Variants in CXorf65 observed in about 807,000 individuals in gnomAD.
CXorf65 encodes the protein chromosome X open reading frame 65, also known as uncharacterized protein CXorf65.
For missense variants in CXorf65, 137 were observed against 144.7 expected, an observed-to-expected ratio of 0.95 and a Z score of 0.27; for synonymous variants, 54 against 51.4, an observed-to-expected ratio of 1.05 and a Z score of -0.21.
chrX:71,104,506 G>C, intron 4 of CXorf65, 102 bp from the exon 5 acceptor site: 1 of 589,850 alleles, frequency 1.7e-6, no homozygotes, highest in East Asian at 3.6e-5. Context: ...GCCCCACTTG[G>C]CCTAAGATGG....
Position 71,106,010 on chromosome X carries a change from A to G in CXorf65, c.240T>C (p.Arg80=), listed in dbSNP as rs2092247513. 1.7e-6 allele frequency: 2 copies of G among 1,210,780 alleles called. No individual in the cohort carries two copies. Among genetic ancestry groups the G allele is most frequent in the Non-Finnish European group, 2.2e-6 (2 of 894,824 alleles). ...CTCCTGAGCCTCTACCTGGTGGCCCACGTTCCACCTTACAAACGTAGTAGG... is the reference window on the plus strand; with the variant it reads ...CTCCTGAGCCTCTACCTGGTGGCCCGCGTTCCACCTTACAAACGTAGTAGG... ...RSTYYVCKVE[R]GPPGTRLENA... is the part of the protein sequence containing the mutation. The change falls in exon 3 of 6, where the codon CGT becomes CGC. Residue 80 remains arginine (R), a synonymous_variant. Transcript: ENST00000374251.
intron 4 of CXorf65, 73 bp from the exon 5 acceptor site, chrX:71,104,477 G>T: frequency 1.4e-6 from 1 of 713,610 alleles, no homozygotes; most frequent in Non-Finnish European, 2.1e-6. Flanking sequence ...CCCATTCATT[G>T]TTCAAACCAT....
rs1482311731 is a variant in CXorf65, at chrX:71,106,594, A to T, written c.-38T>A. On this transcript the variant is annotated 5_prime_UTR_variant, in exon 1 of 6. Coordinates refer to ENST00000374251, the MANE Select transcript of CXorf65 (RefSeq NM_001025265.3). ...GCCTCACTCTTCACAAAGTGCCCTG[A>T]TGAGTCATGCAGAAGGAGGGTGTTC... 1 of 1,210,331 alleles carries T rather than the reference A, an allele frequency of 8.3e-7. No individual in the cohort carries two copies. Among genetic ancestry groups the T allele is most frequent in the Non-Finnish European group, 1.1e-6 (1 of 895,270 alleles).
At chrX:71,105,883 T>G in intron 3 of CXorf65, 117 bp downstream of exon 3, 1 of 808,961 alleles carries the variant, frequency 1.2e-6, no homozygotes, top group African/African-American at 2.0e-5. Context: ...CTCAAAGTGC[T>G]GAGATTACAA....
rs1380128460 is a variant in CXorf65 at position 71,104,752 on chromosome X, C to A, written c.319+17G>T. 1 of 1,196,546 alleles carries A rather than the reference C, an allele frequency of 8.4e-7. No homozygotes were observed. Among genetic ancestry groups the A allele is most frequent in the Non-Finnish European group, 1.1e-6 (1 of 882,114 alleles). On this transcript the variant is annotated intron_variant, in intron 4 of 5. Transcript: ENST00000374251. Reference sequence around the variant, plus strand: ...CTGTACCCTTCATGTTCTTCCCTCCCCCATCTCACTTCTTACCAAGCAGCC... The same window carrying A: ...CTGTACCCTTCATGTTCTTCCCTCCACCATCTCACTTCTTACCAAGCAGCC...
In CXorf65 at chrX:71,106,404, A is replaced by G. The variant is rs376980018; in HGVS notation, c.48T>C (p.Asn16=). ...GCAACACGACGACAGCACAGTTGGT[A>G]TTGACCAGAAACTGCTGATTATCTG... ...KHGDNQQFLV[N]TNCAVVVLLY... Residue 16 remains asparagine, a synonymous_variant, in exon 2 of 6, where the codon AAT becomes AAC. Coordinates refer to ENST00000374251, the MANE Select transcript of CXorf65 (RefSeq NM_001025265.3). 29 of 1,208,129 alleles carry G rather than the reference A, an allele frequency of 2.4e-5. No homozygotes were observed. The African/African-American group carries it at 4.9e-4, about 20-fold the overall frequency.
At position 71,106,644 on chromosome X, in the gene CXorf65, G is replaced by A; in HGVS notation, c.-88C>T. The A allele has an allele frequency of 8.3e-7, 1 of 1,202,864 alleles. No homozygotes were observed. The highest frequency in any genetic ancestry group is 1.1e-6 in the Non-Finnish European group (1 of 891,579). The stretch of plus-strand genomic sequence containing the variant: ...CTAGAGGCCTTGTGTGGGGCAAATA[G>A]GCCTATAGGGTTGGTGGACTAGAGA... On this transcript the variant is annotated 5_prime_UTR_variant, in exon 1 of 6. Transcript: ENST00000374251.
intron 3 of CXorf65, among the ~76,000 whole-genome samples, chrX:71,105,398 T>C (rs959831549): frequency 1.1e-4 from 12 of 110,109 alleles, no homozygotes; most frequent in African/African-American, 3.0e-4. Flanking sequence ...AAACCCCATC[T>C]GCACTAAAAA....
chrX:71,104,311 G>A lies in CXorf65; in HGVS notation c.413C>T (p.Pro138Leu). ...EAKKVVIIEP[P>L]ASVPSKQSGR... ...GGCAAGTCTTACCGGGACACTCGCA[G>A]GGGGTTCAATTATAACGACCTTCTT... is the stretch of plus-strand genomic sequence containing the variant. Residue 138 changes from proline (P) to leucine (L), a missense_variant, in exon 5 of 6, where the codon CCT becomes CTT. Coordinates refer to ENST00000374251, the MANE Select transcript of CXorf65 (RefSeq NM_001025265.3). 1 of 1,204,527 alleles carries A rather than the reference G, an allele frequency of 8.3e-7. No individual in the cohort carries two copies. The highest frequency in any genetic ancestry group is 1.1e-6 in the Non-Finnish European group (1 of 889,534).
chrX:71,106,621 A>G lies in CXorf65; in HGVS notation c.-65T>C. 1.7e-6 allele frequency: 2 copies of G among 1,208,733 alleles called. No homozygotes were observed. The highest frequency in any genetic ancestry group is 2.2e-6 in the Non-Finnish European group (2 of 894,546). On this transcript the variant is annotated 5_prime_UTR_variant, in exon 1 of 6. Transcript: ENST00000374251. ...GAGTCATGCAGAAGGAGGGTGTTCT[A>G]GAGGCCTTGTGTGGGGCAAATAGGC...
In CXorf65 at chrX:71,106,075, G is replaced by C. The variant is rs188108002; in HGVS notation, c.175C>G (p.His59Asp). The C allele has an allele frequency of 8.3e-7, 1 of 1,209,143 alleles. No individual in the cohort carries two copies. The highest frequency in any genetic ancestry group is 1.7e-5 in the African/African-American group (1 of 57,217). ...MKMLFLMKPN[H>D]AEYASKYLTA... is the part of the protein sequence containing the mutation. The stretch of plus-strand genomic sequence containing the variant: ...AGGTATTTGCTGGCATACTCTGCAT[G>C]ATTGGGCTTCATCAGGAAAAGCATC... Residue 59 changes from histidine to aspartate, a missense_variant, in exon 3 of 6, where the codon CAT becomes GAT. Coordinates refer to ENST00000374251, the MANE Select transcript of CXorf65 (RefSeq NM_001025265.3).
At chrX:71,104,889 C>A (rs1344149629) in intron 3 of CXorf65, 52 bp from the exon 4 acceptor site, 1 of 1,093,161 alleles carries the variant, frequency 9.1e-7, no homozygotes, top group Admixed American at 2.2e-5. Context: ...AGTCTCCACC[C>A]TTCAGAAGTC....
chrX:71,104,396 G>T lies in CXorf65; in HGVS notation c.328C>A (p.Arg110Ser). The T allele has an allele frequency of 8.5e-7, 1 of 1,182,755 alleles. No homozygotes were observed. The highest frequency in any genetic ancestry group is 1.1e-6 in the Non-Finnish European group (1 of 874,333). Residue 110 changes from arginine to serine, a missense_variant, in exon 5 of 6, where the codon CGC (arginine) becomes AGC (serine). Transcript: ENST00000374251. ...NPEPWLLVALRIQCDALERRR... is the reference protein window; with the variant it reads ...NPEPWLLVALSIQCDALERRR... Reference sequence around the variant, plus strand: ...CTCTCCAGGGCATCACATTGTATGCGCAGTGCAACTAAGAACAAGGAAAAG... The same window carrying T: ...CTCTCCAGGGCATCACATTGTATGCTCAGTGCAACTAAGAACAAGGAAAAG...
Position 71,104,312 on chromosome X carries a change from G to A in CXorf65, c.412C>T (p.Pro138Ser). Reference sequence around the variant, plus strand: ...GCAAGTCTTACCGGGACACTCGCAGGGGGTTCAATTATAACGACCTTCTTG... The same window carrying A: ...GCAAGTCTTACCGGGACACTCGCAGAGGGTTCAATTATAACGACCTTCTTG... ...EAKKVVIIEP[P>S]ASVPSKQSGR... The change falls in exon 5 of 6, where the codon CCT becomes TCT. Residue 138 changes from proline to serine, a missense_variant. Transcript: ENST00000374251. 4 of 1,204,635 alleles carry A rather than the reference G, an allele frequency of 3.3e-6. No homozygotes were observed. Among genetic ancestry groups the A allele is most frequent in the African/African-American group, 3.5e-5 (2 of 57,519 alleles).
chrX:71,105,577 A>AC (rs2147742193), intron 3 of CXorf65, among the ~76,000 whole-genome samples: 1 of 109,493 alleles, frequency 9.1e-6, no homozygotes, highest in South Asian at 3.9e-4. Context: ...CAAAAAAAAA[A>AC]AAAAAAAAAC....
Position 71,106,630 on chromosome X carries a change from G to A in CXorf65, c.-74C>T. ...AGAAGGAGGGTGTTCTAGAGGCCTT[G>A]TGTGGGGCAAATAGGCCTATAGGGT... On this transcript the variant is annotated 5_prime_UTR_variant, in exon 1 of 6. Transcript: ENST00000374251. 1.7e-6 allele frequency: 2 copies of A among 1,207,082 alleles called. No individual in the cohort carries two copies. The highest frequency in any genetic ancestry group is 1.8e-5 in the South Asian group (1 of 56,624).
In CXorf65 at chrX:71,106,715, G is replaced by C. The variant is rs765321233; in HGVS notation, c.-159C>G. 6.2e-6 allele frequency: 7 copies of C among 1,136,585 alleles called. No individual in the cohort carries two copies. Among genetic ancestry groups the C allele is most frequent in the Non-Finnish European group, 8.1e-6 (7 of 860,687 alleles). The allele number at this position is 1,136,585 out of a possible 1,213,427, so 93.7% of individuals were successfully genotyped here. A position where few individuals can be genotyped will look rare whatever the true frequency, so the allele number is the denominator to read the frequency against. ...TGAGGATGCCCAGGCTGGACAGGCA[G>C]GAGAGAGCTGTTGATAGTTGTGGAT... On this transcript the variant is annotated 5_prime_UTR_variant, in exon 1 of 6. Coordinates refer to ENST00000374251, the MANE Select transcript of CXorf65 (RefSeq NM_001025265.3).
chrX:71,106,081 G>T lies in CXorf65; in HGVS notation c.169C>A (p.Pro57Thr), dbSNP rs746604332. The T allele has an allele frequency of 1.7e-6, 2 of 1,210,425 alleles. No individual in the cohort carries two copies. The highest frequency in any genetic ancestry group is 5.9e-5 in the East Asian group (2 of 33,842). The part of the protein sequence containing the change: ...GKMKMLFLMK[P>T]NHAEYASKYL... ...TTGCTGGCATACTCTGCATGATTGG[G>T]CTTCATCAGGAAAAGCATCTTCATT... Residue 57 changes from proline (P) to threonine (T), a missense_variant, in exon 3 of 6, where the codon CCC (proline) becomes ACC (threonine). Physicochemically the swap from Pro to Thr is conservative, Grantham distance 38. Coordinates refer to ENST00000374251, the MANE Select transcript of CXorf65 (RefSeq NM_001025265.3).
rs1178860285 is a variant in CXorf65 at position 71,106,713 on chromosome X, C to A, written c.-157G>T. On this transcript the variant is annotated 5_prime_UTR_variant, in exon 1 of 6. Coordinates refer to ENST00000374251, the MANE Select transcript of CXorf65 (RefSeq NM_001025265.3). ...GCTGAGGATGCCCAGGCTGGACAGG[C>A]AGGAGAGAGCTGTTGATAGTTGTGG... 9 of 1,135,625 alleles carry A rather than the reference C, an allele frequency of 7.9e-6. No individual in the cohort carries two copies. Among genetic ancestry groups the A allele is most frequent in the South Asian group, 2.1e-5 (1 of 48,327 alleles). The allele number at this position is 1,135,625 out of a possible 1,213,427, so 93.6% of individuals were successfully genotyped here. A position where few individuals can be genotyped will look rare whatever the true frequency, so the allele number is the denominator to read the frequency against.
Sources: allele counts gnomAD v4.1 joint callset (sites outside exome capture counted in the v4.1 genomes callset), GRCh38; gene constraint gnomAD v4.1.1; transcripts MANE v1.5; gene names NCBI Gene and HGNC (gene_info 2026-07-23, HGNC 2026-07-21).